The following ACOXL variants were observed in gnomAD, a reference collection of about 807,000 sequenced individuals.
ACOXL encodes the protein acyl-coenzyme A oxidase-like protein.
A neutral mutation model predicts 71.9 loss-of-function variants in ACOXL; 70 were observed. That is an observed-to-expected ratio of 0.97 (90% CI 0.80 to 1.19). The LOEUF (loss-of-function observed/expected upper bound fraction) is 1.19, where lower values mean the gene tolerates loss of function less well. Ranked by LOEUF, ACOXL falls within the 50% of genes most tolerant of loss-of-function variation. ACOXL has a pLI of 0.00. For synonymous variants in ACOXL, 253 were observed against 281.6 expected, an observed-to-expected ratio of 0.90 and a Z score of 1.02; for missense variants, 703 against 736.3, an observed-to-expected ratio of 0.95 and a Z score of 0.52.
chr2:111,019,166 C>T lies in ACOXL; in HGVS notation c.1282-12461C>T, dbSNP rs1028914404. ...TTGAAACAAGATCTTTCTAGCTGAC[C>T]GTACTCCAAATGCATGCTTTGGTGC... On this transcript the variant is annotated intron_variant, in intron 14 of 17. Coordinates refer to ENST00000439055, the MANE Select transcript of ACOXL (RefSeq NM_001142807.4). Among the ~76,000 whole-genome samples, 16 of 152,284 alleles carry T rather than the reference C, an allele frequency of 1.1e-4. No homozygotes were observed. In the East Asian group the frequency reaches 2.7e-3, roughly 26 times the overall value.
intron 9 of ACOXL, among the ~76,000 whole-genome samples, chr2:110,820,360 A>G (rs1458023344): frequency 5.3e-5 from 8 of 152,206 alleles, no homozygotes; most frequent in Non-Finnish European, 8.8e-5. Flanking sequence ...AGGATGTGAC[A>G]TTAAACATAG....
At position 111,044,131 on chromosome 2, in the gene ACOXL, T is replaced by C. The variant is rs183530302; in HGVS notation, c.1370-5087T>C. Among the ~76,000 whole-genome samples, 256 of 152,356 alleles carry C rather than the reference T, an allele frequency of 1.7e-3. 1 individual carries two copies. The highest frequency in any genetic ancestry group is 0.01 in the Middle Eastern group (3 of 294). On this transcript the variant is annotated intron_variant, in intron 15 of 17. Coordinates refer to ENST00000439055, the MANE Select transcript of ACOXL (RefSeq NM_001142807.4). ...AGAATGCCCAGGCTCCTAGCAGTTA[T>C]GTGAACTCTGCAGCATGGTGAGAAG...
At chr2:110,931,517 G>C (rs945298733) in intron 11 of ACOXL, among the ~76,000 whole-genome samples, 2 of 152,030 alleles carry the variant, frequency 1.3e-5, no homozygotes, top group African/African-American at 4.8e-5. Flanking sequence ...CTTCCTTAGG[G>C]CACTGACAGG....
chr2:110,861,197 C>A (rs1693917713), intron 10 of ACOXL, among the ~76,000 whole-genome samples: 1 of 152,102 alleles, frequency 6.6e-6, no homozygotes, highest in Non-Finnish European at 1.5e-5. Context: ...ATCCTGACTC[C>A]CAAATCAAAC....
At chr2:111,096,239 T>TATTA (rs2068792510) in intron 17 of ACOXL, among the ~76,000 whole-genome samples, 2 of 150,052 alleles carry the variant, frequency 1.3e-5, no homozygotes, top group African/African-American at 4.9e-5. Flanking sequence ...TTATTATTAT[T>TATTA]ATTATTATTA....
At chr2:111,004,269 C>G (rs1404503769) in intron 14 of ACOXL, among the ~76,000 whole-genome samples, 1 of 151,628 alleles carries the variant, frequency 6.6e-6, no homozygotes, top group Non-Finnish European at 1.5e-5. Context: ...TAGTAATGGT[C>G]TTTAATTTTC....
rs902838829 is a variant in ACOXL, at chr2:110,948,276, G to A, written c.1059+14634G>A. ...CTGCTTGGAGATGTAATCCATCCGG[G>A]CAGCGACTGAGCGATTATATTTAAT... On this transcript the variant is annotated intron_variant, in intron 12 of 17. Coordinates refer to ENST00000439055, the MANE Select transcript of ACOXL (RefSeq NM_001142807.4). Among the ~76,000 whole-genome samples the A allele has an allele frequency of 2.6e-5, 4 of 152,334 alleles. No individual in the cohort carries two copies. In the South Asian group the frequency reaches 8.3e-4, roughly 32 times the overall value.
At chr2:110,855,488 C>A (rs1185894546) in intron 10 of ACOXL, among the ~76,000 whole-genome samples, 1 of 152,114 alleles carries the variant, frequency 6.6e-6, no homozygotes, top group Non-Finnish European at 1.5e-5. Context: ...TGAGAAAATG[C>A]ACCAAACAAA....
intron 1 of ACOXL, among the ~76,000 whole-genome samples, chr2:110,763,424 T>C (rs530443449): frequency 6.6e-6 from 1 of 152,164 alleles, no homozygotes; most frequent in East Asian, 1.9e-4. Flanking sequence ...GCAAAAACAA[T>C]AAAATGGAGA....
intron 10 of ACOXL, among the ~76,000 whole-genome samples, chr2:110,857,173 A>T (rs1466855038): frequency 1.3e-5 from 2 of 152,128 alleles, no homozygotes; most frequent in East Asian, 3.9e-4. Context: ...TCAACATGTC[A>T]GTTTTGTCTT....
At position 111,057,750 on chromosome 2, in the gene ACOXL, A is replaced by G. The variant is rs756936456; in HGVS notation, c.1440+8462A>G. On this transcript the variant is annotated intron_variant, in intron 16 of 17. Transcript: ENST00000439055. ...CCAAATGCCATCAGAAGCAAGCTCT[A>G]CATGTGCCCGACTGCCTAAGAGGAG... Among the ~76,000 whole-genome samples, 33 of 152,256 alleles carry G rather than the reference A, an allele frequency of 2.2e-4. 1 individual carries two copies. Among genetic ancestry groups the G allele is most frequent in the Non-Finnish European group, 3.2e-4 (22 of 68,046 alleles).
intron 1 of ACOXL, among the ~76,000 whole-genome samples, chr2:110,761,331 C>A (rs1680377798): frequency 6.6e-6 from 1 of 152,192 alleles, no homozygotes; most frequent in Non-Finnish European, 1.5e-5. Flanking sequence ...CTTGCATACC[C>A]ATTGACTGGT....
chr2:110,908,307 A>AG (rs1165256238), intron 10 of ACOXL, among the ~76,000 whole-genome samples: 3 of 152,202 alleles, frequency 2.0e-5, no homozygotes, highest in Non-Finnish European at 4.4e-5. Context: ...ATAGAATTGC[A>AG]GGGGGGTTTA....
chr2:110,861,895 G>A (rs1433576084), intron 10 of ACOXL, among the ~76,000 whole-genome samples: 5 of 152,122 alleles, frequency 3.3e-5, no homozygotes, highest in Admixed American at 6.5e-5. Flanking sequence ...GGTGACCCCC[G>A]CAGAATTGTC....
At chr2:111,075,707 A>G (rs1241315050) in intron 16 of ACOXL, among the ~76,000 whole-genome samples, 1 of 152,094 alleles carries the variant, frequency 6.6e-6, no homozygotes, top group Non-Finnish European at 1.5e-5. Context: ...ATTTTATGCT[A>G]TAACTTTGCC....
chr2:110,999,725 A>G (rs557323129), intron 14 of ACOXL, among the ~76,000 whole-genome samples: 1 of 152,298 alleles, frequency 6.6e-6, no homozygotes, highest in East Asian at 1.9e-4. Context: ...TGTCATAAGA[A>G]TGCCCTATGG....
At chr2:110,831,769 G>T (rs1573734492) in intron 9 of ACOXL, among the ~76,000 whole-genome samples, 1 of 152,216 alleles carries the variant, frequency 6.6e-6, no homozygotes, top group East Asian at 1.9e-4. Flanking sequence ...CCCAGAAATA[G>T]AACCAAACCA....
At chr2:110,760,152 T>C (rs1339268684) in intron 1 of ACOXL, among the ~76,000 whole-genome samples, 2 of 151,154 alleles carry the variant, frequency 1.3e-5, no homozygotes, top group African/African-American at 4.8e-5. Flanking sequence ...TCTTTTTTTT[T>C]TTTTTGAGAT....
intron 9 of ACOXL, among the ~76,000 whole-genome samples, chr2:110,805,777 G>T (rs1305378653): frequency 6.6e-6 from 1 of 152,240 alleles, no homozygotes; most frequent in African/African-American, 2.4e-5. Context: ...ACCTGGGAGT[G>T]TTGATCCTCA....
Sources: allele counts gnomAD v4.1 joint callset (sites outside exome capture counted in the v4.1 genomes callset), GRCh38; gene constraint gnomAD v4.1.1; transcripts MANE v1.5; gene names NCBI Gene and HGNC (gene_info 2026-07-23, HGNC 2026-07-21).